SPAG16: variants seen among roughly 807,000 people sequenced by gnomAD.
SPAG16 encodes sperm associated antigen 16.
In SPAG16, 86 loss-of-function variants were observed where a neutral mutation model predicts 80.4. That is an observed-to-expected ratio of 1.07 (90% confidence interval 0.90 to 1.28). The LOEUF (loss-of-function observed/expected upper bound fraction) is 1.28. Among genes scored for constraint, SPAG16 ranks in the 50% most tolerant of loss-of-function variants. SPAG16 has a pLI of 0.00. For synonymous variants in SPAG16, 294 were observed against 265.9 expected, an observed-to-expected ratio of 1.11 and a Z score of -1.03; for missense variants, 870 against 765.3, an observed-to-expected ratio of 1.14 and a Z score of -1.61.
At chr2:213,690,306 C>G (rs1283255320) in intron 10 of SPAG16, among the ~76,000 whole-genome samples, 1 of 152,158 alleles carries the variant, frequency 6.6e-6, no homozygotes, top group East Asian at 1.9e-4. Flanking sequence ...GCTGGGAAGT[C>G]CAAGGTCAAG....
intron 9 of SPAG16, among the ~76,000 whole-genome samples, chr2:213,449,598 T>G (rs999712446): frequency 6.6e-6 from 1 of 152,156 alleles, no homozygotes; most frequent in Admixed American, 6.5e-5. Flanking sequence ...CTGACACTTA[T>G]GGAAAATAGA....
chr2:213,642,629 G>T (rs563628799), intron 10 of SPAG16, among the ~76,000 whole-genome samples: 40 of 50,388 alleles, frequency 7.9e-4, no homozygotes, highest in Admixed American at 1.5e-3. Flanking sequence ...GGTCTACCCC[G>T]GCTAAAATGG....
chr2:213,429,941 A>G (rs1171296339), intron 9 of SPAG16, among the ~76,000 whole-genome samples: 1 of 152,258 alleles, frequency 6.6e-6, no homozygotes, highest in Non-Finnish European at 1.5e-5. Context: ...GTAATGTGTA[A>G]TGATACACAT....
intron 15 of SPAG16, among the ~76,000 whole-genome samples, chr2:214,381,545 T>G (rs536014329): frequency 6.6e-6 from 1 of 152,364 alleles, no homozygotes; most frequent in African/African-American, 2.4e-5. Flanking sequence ...TTGGCAAAGT[T>G]TGGAATATAA....
intron 12 of SPAG16, among the ~76,000 whole-genome samples, chr2:213,972,041 G>C (rs2045093036): frequency 6.6e-6 from 1 of 151,556 alleles, no homozygotes; most frequent in Admixed American, 6.6e-5. Context: ...TATCACATTA[G>C]GGTAAATGGG....
chr2:213,538,762 C>T (rs2076332080), intron 10 of SPAG16, among the ~76,000 whole-genome samples: 1 of 152,056 alleles, frequency 6.6e-6, no homozygotes, highest in South Asian at 2.1e-4. Context: ...TTACCATTCA[C>T]AGGGTTAGGA....
chr2:214,370,495 TATAC>T (rs1228833910), intron 15 of SPAG16, among the ~76,000 whole-genome samples: 2 of 152,192 alleles, frequency 1.3e-5, no homozygotes, highest in African/African-American at 4.8e-5. Flanking sequence ...GATGTCTTGA[TATAC>T]ATACATATTG....
chr2:213,672,922 G>C (rs1460945365), intron 10 of SPAG16, among the ~76,000 whole-genome samples: 1 of 146,504 alleles, frequency 6.8e-6, no homozygotes, highest in Non-Finnish European at 1.5e-5. Flanking sequence ...GCAGTGGCAC[G>C]ATCTTGGCTC....
intron 13 of SPAG16, among the ~76,000 whole-genome samples, chr2:214,081,482 A>G (rs1559768843): frequency 6.6e-6 from 1 of 152,204 alleles, no homozygotes; most frequent in Non-Finnish European, 1.5e-5. Flanking sequence ...AGAAGAAGGG[A>G]CAGGGACAGA....
rs565034354 is a variant in SPAG16 at position 213,933,917 on chromosome 2, C to G, written c.1400+3772C>G. Among the ~76,000 whole-genome samples the G allele has an allele frequency of 2.6e-5, 4 of 152,318 alleles. No individual in the cohort carries two copies. The East Asian group carries it at 7.7e-4, about 29-fold the overall frequency. On this transcript the variant is annotated intron_variant, in intron 12 of 15. Coordinates refer to ENST00000331683, the MANE Select transcript of SPAG16 (RefSeq NM_024532.5). ...TTGACAAGGAAACTATGAGCCTATC[C>G]TTAAATCCCGTTGACTCTTCAAACA...
At position 213,538,823 on chromosome 2, in the gene SPAG16, TTATC is replaced by T. The variant is rs566323169; in HGVS notation, c.1070+48737_1070+48740del. Among the ~76,000 whole-genome samples the T allele has an allele frequency of 1.2e-3, 125 of 105,928 alleles. 2 individuals carry two copies. The highest frequency in any genetic ancestry group is 5.0e-3 in the Middle Eastern group (1 of 202). The allele number at this position is 105,928 out of a possible 152,430, so 69.5% of individuals were successfully genotyped here. A position where few individuals can be genotyped will look rare whatever the true frequency, so the allele number is the denominator to read the frequency against. On this transcript the variant is annotated intron_variant, in intron 10 of 15. Coordinates refer to ENST00000331683, the MANE Select transcript of SPAG16 (RefSeq NM_024532.5). The stretch of plus-strand genomic sequence containing the variant: ...TGTATGTACATATGTACGTATCTAT[TTATC>T]TATTTATCTATCTATTATCTATCTA...
In SPAG16 at chr2:213,340,153, T is replaced by G; in HGVS notation, c.537-10T>G. Reference sequence around the variant, plus strand: ...AGCAGTGATTTATAAAGTTACTATTTTTTTTTCAGCAAAGCTAGAGAAGAT... The same window carrying G: ...AGCAGTGATTTATAAAGTTACTATTGTTTTTTCAGCAAAGCTAGAGAAGAT... On this transcript the variant is annotated splice_polypyrimidine_tract_variant and intron_variant, in intron 5 of 15. Transcript: ENST00000331683. 6.3e-7 allele frequency: 1 copy of G among 1,581,260 alleles called. No individual in the cohort carries two copies. The highest frequency in any genetic ancestry group is 8.6e-7 in the Non-Finnish European group (1 of 1,159,514).
intron 9 of SPAG16, among the ~76,000 whole-genome samples, chr2:213,427,446 T>C (rs16850326): frequency 0.074 from 11,277 of 152,222 alleles, 1,382 homozygotes; most frequent in African/African-American, 0.25. Context: ...GTAACTGGGA[T>C]TTTTTTGACT....
intron 9 of SPAG16, among the ~76,000 whole-genome samples, chr2:213,465,430 C>A (rs1050859764): frequency 1.3e-5 from 2 of 152,132 alleles, no homozygotes; most frequent in Non-Finnish European, 2.9e-5. Flanking sequence ...CATTCTGCAT[C>A]CTCTAAGGGG....
At chr2:213,317,602 A>G (rs1378682568) in intron 5 of SPAG16, 15 of 1,135,564 alleles carry the variant, frequency 1.3e-5, no homozygotes, top group Non-Finnish European at 1.5e-5. Context: ...TTTTTTATAT[A>G]ACATTCACTT....
chr2:214,108,394 A>C (rs1182471898), intron 14 of SPAG16, 133 bp downstream of exon 14: 38 of 648,608 alleles, frequency 5.9e-5, no homozygotes, highest in Non-Finnish European at 5.2e-6. Flanking sequence ...AGTTGTAAAC[A>C]ATAGGAAAAG....
chr2:213,649,447 A>G (rs1399788607), intron 10 of SPAG16, among the ~76,000 whole-genome samples: 1 of 152,266 alleles, frequency 6.6e-6, no homozygotes, highest in Non-Finnish European at 1.5e-5. Flanking sequence ...TCAACTTATC[A>G]TGGCAGAATG....
chr2:213,828,167 G>A (rs1481319766), intron 10 of SPAG16, among the ~76,000 whole-genome samples: 1 of 151,920 alleles, frequency 6.6e-6, no homozygotes, highest in South Asian at 2.1e-4. Context: ...TTGCCCTTTT[G>A]AGCCTATTTT....
intron 12 of SPAG16, among the ~76,000 whole-genome samples, chr2:213,953,860 A>G (rs2043982909): frequency 6.6e-6 from 1 of 152,050 alleles, no homozygotes; most frequent in South Asian, 2.1e-4. Flanking sequence ...AAAAGATTGT[A>G]TGCAATGATG....
Sources: allele counts gnomAD v4.1 joint callset (sites outside exome capture counted in the v4.1 genomes callset), GRCh38; gene constraint gnomAD v4.1.1; transcripts MANE v1.5; gene names NCBI Gene and HGNC (gene_info 2026-07-23, HGNC 2026-07-21).